LOC128125817: variants seen among roughly 807,000 people sequenced by gnomAD.
the LOC128125817 span, among the ~76,000 whole-genome samples, chr1:41,626,400 C>G: frequency 6.6e-6 from 1 of 152,216 alleles, no homozygotes; most frequent in African/African-American, 2.4e-5. Context: ...CTCGCTGGAA[C>G]TGACAGCTCA....
chr1:41,627,663 G>T, the LOC128125817 span, among the ~76,000 whole-genome samples: 1 of 152,172 alleles, frequency 6.6e-6, no homozygotes, highest in African/African-American at 2.4e-5. Flanking sequence ...AGCTTTCAGA[G>T]AAGCGAAAGA....
chr1:41,598,590 A>G, the LOC128125817 span, among the ~76,000 whole-genome samples: 1 of 152,220 alleles, frequency 6.6e-6, no homozygotes, highest in Admixed American at 6.5e-5. Context: ...CGATCACTCT[A>G]CTGCAACTCA....
the LOC128125817 span, among the ~76,000 whole-genome samples, chr1:41,615,630 G>T: frequency 6.6e-6 from 1 of 152,166 alleles, no homozygotes; most frequent in Admixed American, 6.5e-5. Flanking sequence ...AACAGGAAAA[G>T]ACTGTGGGCA....
chr1:41,597,644 C>A, the LOC128125817 span, among the ~76,000 whole-genome samples: 1 of 152,198 alleles, frequency 6.6e-6, no homozygotes, highest in African/African-American at 2.4e-5. Flanking sequence ...GCAGTGGTGA[C>A]CCTCAAGGCA....
the LOC128125817 span, among the ~76,000 whole-genome samples, chr1:41,601,909 A>C: frequency 2.0e-5 from 3 of 152,160 alleles, no homozygotes; most frequent in Non-Finnish European, 4.4e-5. Flanking sequence ...ATGTTGAAGT[A>C]CTTTCCCTCT....
the LOC128125817 span, among the ~76,000 whole-genome samples, chr1:41,615,659 C>CCCAACTCA: frequency 8.5e-5 from 13 of 152,132 alleles, no homozygotes; most frequent in Non-Finnish European, 1.5e-5. Flanking sequence ...CAGGGCCTCA[C>CCCAACTCA]CCAACTCAGG....
chr1:41,618,275 G>T, the LOC128125817 span, among the ~76,000 whole-genome samples: 1 of 152,234 alleles, frequency 6.6e-6, no homozygotes, highest in Non-Finnish European at 1.5e-5. Context: ...AGCAGACTCT[G>T]CGGTTATGCA....
the LOC128125817 span, among the ~76,000 whole-genome samples, chr1:41,608,728 G>A: frequency 1.3e-5 from 2 of 152,124 alleles, no homozygotes; most frequent in African/African-American, 2.4e-5. Context: ...TCCGTCCCAC[G>A]GATGACTTCC....
At chr1:41,622,211 A>C in the LOC128125817 span, among the ~76,000 whole-genome samples, 1 of 152,332 alleles carries the variant, frequency 6.6e-6, no homozygotes, top group East Asian at 1.9e-4. Flanking sequence ...TCATGGAGAG[A>C]CAGATGGAAC....
the LOC128125817 span, among the ~76,000 whole-genome samples, chr1:41,605,110 A>G: frequency 2.2e-5 from 1 of 45,866 alleles, no homozygotes. Context: ...GTCTCCAATA[A>G]AAAAAAAAAA....
At chr1:41,600,205 T>C in the LOC128125817 span, among the ~76,000 whole-genome samples, 1 of 152,132 alleles carries the variant, frequency 6.6e-6, no homozygotes, top group Non-Finnish European at 1.5e-5. Flanking sequence ...ATCCAGCAAT[T>C]CCCCTTCTGG....
chr1:41,612,439 C>A, the LOC128125817 span, among the ~76,000 whole-genome samples: 63 of 152,326 alleles, frequency 4.1e-4, no homozygotes, highest in Non-Finnish European at 7.1e-4. Flanking sequence ...GCTCCAACTG[C>A]CCCCTAAGAC....
At chr1:41,624,359 G>A in the LOC128125817 span, among the ~76,000 whole-genome samples, 1 of 152,224 alleles carries the variant, frequency 6.6e-6, no homozygotes, top group Non-Finnish European at 1.5e-5. Flanking sequence ...TATTCTAACA[G>A]AAAACGAGCA....
the LOC128125817 span, among the ~76,000 whole-genome samples, chr1:41,590,274 T>C: frequency 9.6e-3 from 1,460 of 152,362 alleles, 20 homozygotes; most frequent in African/African-American, 0.033. Context: ...ACAGGGATTG[T>C]GGCAGAGACT....
the LOC128125817 span, among the ~76,000 whole-genome samples, chr1:41,619,511 G>C: frequency 1.7e-3 from 258 of 152,350 alleles, 1 homozygote; most frequent in African/African-American, 5.9e-3. Context: ...AACTCCAAGA[G>C]GCAGGTGTTT....
At chr1:41,591,681 C>A in the LOC128125817 span, among the ~76,000 whole-genome samples, 1 of 151,920 alleles carries the variant, frequency 6.6e-6, no homozygotes, top group Non-Finnish European at 1.5e-5. Context: ...TTCTTGGTCA[C>A]TGGATTTTCA....
the LOC128125817 span, among the ~76,000 whole-genome samples, chr1:41,587,026 T>C: frequency 2.0e-5 from 3 of 152,098 alleles, no homozygotes; most frequent in Admixed American, 2.0e-4. Context: ...GCTATATATT[T>C]ATATATGAGC....
At chr1:41,586,204 C>T in the LOC128125817 span, among the ~76,000 whole-genome samples, 1 of 152,194 alleles carries the variant, frequency 6.6e-6, no homozygotes, top group African/African-American at 2.4e-5. Context: ...CTGCATATAG[C>T]CCCAAGTGTG....
chr1:41,593,721 T>A, the LOC128125817 span, among the ~76,000 whole-genome samples: 1 of 152,254 alleles, frequency 6.6e-6, no homozygotes, highest in East Asian at 1.9e-4. Context: ...ATGGTTGTAT[T>A]TGGTTCCCAT....
Sources: gnomAD v4.1 joint callset for allele counts (sites outside exome capture counted in the v4.1 genomes callset) on GRCh38, gnomAD v4.1.1 for gene constraint, MANE v1.5 for transcripts.